The following DGKB variants were observed in gnomAD, a reference collection of about 807,000 sequenced individuals.
DGKB encodes the protein 90 kDa diacylglycerol kinase.
A neutral mutation model predicts 114.3 loss-of-function variants in DGKB; 67 were observed. The ratio of observed to expected loss-of-function variants is 0.59; its 90% CI spans 0.48 to 0.72. The LOEUF is 0.72. Among genes scored for constraint, DGKB ranks in the 30% least tolerant of loss-of-function variants. DGKB has a pLI of 0.00. For missense variants in DGKB, 907 were observed against 975.2 expected (o/e 0.93, Z 0.93); for synonymous variants, 398 against 323.1 (o/e 1.23, Z -2.49).
intron 23 of DGKB, among the ~76,000 whole-genome samples, chr7:14,277,337 AT>A (rs138811528): frequency 4.5e-4 from 68 of 150,990 alleles, no homozygotes; most frequent in Non-Finnish European, 5.0e-4. Flanking sequence ...TGCCCAGGTA[AT>A]TTTTTTTTCT....
In DGKB at chr7:14,231,002, G is replaced by A. The variant is rs942922067; in HGVS notation, c.2123-52851C>T. Reference sequence around the variant, plus strand: ...ATGCTGTGATCTTCCAGGAGGACAAGGGCTAAGTCCCTAAGTCTCTGTTGT... The same window carrying A: ...ATGCTGTGATCTTCCAGGAGGACAAAGGCTAAGTCCCTAAGTCTCTGTTGT... On this transcript the variant is annotated intron_variant, in intron 23 of 25. Coordinates refer to ENST00000402815, the MANE Select transcript of DGKB (RefSeq NM_001350709.2). Among the ~76,000 whole-genome samples, 15 of 152,158 alleles carry A rather than the reference G, an allele frequency of 9.9e-5. No homozygotes were observed. The South Asian group carries it at 1.7e-3, about 17-fold the overall frequency.
At chr7:14,489,546 T>C (rs1293083787) in intron 20 of DGKB, among the ~76,000 whole-genome samples, 1 of 152,222 alleles carries the variant, frequency 6.6e-6, no homozygotes, top group Non-Finnish European at 1.5e-5. Context: ...AGTGATTTGA[T>C]ATAATTTCCG....
chr7:14,386,561 T>C (rs192785314), intron 21 of DGKB, among the ~76,000 whole-genome samples: 1 of 152,226 alleles, frequency 6.6e-6, no homozygotes, highest in Non-Finnish European at 1.5e-5. Context: ...TGCCAGTTGC[T>C]GAAATAGTTG....
At chr7:14,676,225 C>T (rs1057471095) in intron 12 of DGKB, among the ~76,000 whole-genome samples, 9 of 149,716 alleles carry the variant, frequency 6.0e-5, no homozygotes, top group Non-Finnish European at 1.3e-4. Context: ...TGATCAGGTA[C>T]TGCTTACAGA....
intron 1 of DGKB, among the ~76,000 whole-genome samples, chr7:14,914,687 G>C (rs1403167255): frequency 6.6e-6 from 1 of 152,156 alleles, no homozygotes; most frequent in Non-Finnish European, 1.5e-5. Flanking sequence ...ATATGACACA[G>C]ATTTTTAAAA....
intron 2 of DGKB, among the ~76,000 whole-genome samples, chr7:14,772,000 C>G (rs1276823669): frequency 6.6e-6 from 1 of 150,440 alleles, no homozygotes; most frequent in African/African-American, 2.4e-5. Context: ...TCCAGATAAA[C>G]TCAACCAATT....
chr7:14,269,754 CTTTAT>C (rs1798016499), intron 23 of DGKB, among the ~76,000 whole-genome samples: 2 of 152,058 alleles, frequency 1.3e-5, no homozygotes, highest in East Asian at 1.9e-4. Context: ...TGTATATCTT[CTTTAT>C]TTTATTTGTT....
intron 17 of DGKB, among the ~76,000 whole-genome samples, chr7:14,598,872 C>T (rs931289479): frequency 2.6e-5 from 4 of 152,108 alleles, no homozygotes; most frequent in Non-Finnish European, 2.9e-5. Flanking sequence ...TATGATTTGT[C>T]AATATCTCCA....
intron 1 of DGKB, among the ~76,000 whole-genome samples, chr7:14,974,186 C>T (rs1454519655): frequency 6.6e-6 from 1 of 151,912 alleles, no homozygotes; most frequent in South Asian, 2.1e-4. Flanking sequence ...GCATAAATAA[C>T]CCAAAAATAC....
At chr7:14,715,026 G>A (rs1170737749) in intron 6 of DGKB, among the ~76,000 whole-genome samples, 1 of 152,124 alleles carries the variant, frequency 6.6e-6, no homozygotes, top group African/African-American at 2.4e-5. Context: ...GTTATCCCAT[G>A]GGACAGAGAC....
chr7:14,774,806 C>T (rs1343506621), intron 2 of DGKB, among the ~76,000 whole-genome samples: 1 of 152,066 alleles, frequency 6.6e-6, no homozygotes, highest in Non-Finnish European at 1.5e-5. Context: ...TAATTTCTTT[C>T]CTCCCTGTCT....
At chr7:14,351,686 T>C (rs1813463439) in intron 21 of DGKB, among the ~76,000 whole-genome samples, 2 of 152,300 alleles carry the variant, frequency 1.3e-5, no homozygotes, top group Admixed American at 1.3e-4. Context: ...TGGGAACTTT[T>C]ACTCAAATTT....
intron 1 of DGKB, among the ~76,000 whole-genome samples, chr7:14,951,940 A>T (rs1163876013): frequency 1.3e-5 from 2 of 152,100 alleles, no homozygotes; most frequent in Non-Finnish European, 2.9e-5. Flanking sequence ...GATATGCTAT[A>T]GGTTAGAGTG....
At chr7:14,543,971 G>A (rs73057461) in intron 20 of DGKB, among the ~76,000 whole-genome samples, 4 of 152,216 alleles carry the variant, frequency 2.6e-5, no homozygotes, top group Middle Eastern at 3.4e-3. Context: ...ATGAATAGGT[G>A]CACTAAAATT....
intron 21 of DGKB, among the ~76,000 whole-genome samples, chr7:14,395,864 G>A (rs1022981099): frequency 6.6e-6 from 1 of 151,814 alleles, no homozygotes; most frequent in African/African-American, 2.4e-5. Context: ...CTAAGAAAAA[G>A]GGTTAATGCT....
chr7:14,865,555 T>C (rs765257394), intron 1 of DGKB, among the ~76,000 whole-genome samples: 2 of 152,230 alleles, frequency 1.3e-5, no homozygotes, highest in Non-Finnish European at 2.9e-5. Flanking sequence ...CTTCCTGCTG[T>C]TGCTATTCTC....
intron 21 of DGKB, among the ~76,000 whole-genome samples, chr7:14,437,392 C>T (rs547779939): frequency 6.6e-6 from 1 of 152,200 alleles, no homozygotes; most frequent in African/African-American, 2.4e-5. Flanking sequence ...GTTTTCTACA[C>T]ACTTACCAGC....
In DGKB at chr7:14,947,711, A is replaced by C. The variant is rs189235502; in HGVS notation, c.-188+26985T>G. Among the ~76,000 whole-genome samples the C allele has an allele frequency of 3.1e-3, 468 of 151,788 alleles. 1 individual carries two copies. Among genetic ancestry groups the C allele is most frequent in the African/African-American group, 0.011 (452 of 41,494 alleles). On this transcript the variant is annotated intron_variant, in intron 1 of 4. Transcript: ENST00000437998. ...ATGTATGTTCAAATAGAAGTTGGGG[A>C]AAGAGTTGCATTAGATGAGTGGTAT... is the stretch of plus-strand genomic sequence containing the variant.
intron 21 of DGKB, among the ~76,000 whole-genome samples, chr7:14,428,578 T>C (rs1253516898): frequency 2.6e-5 from 4 of 152,202 alleles, no homozygotes; most frequent in Non-Finnish European, 5.9e-5. Flanking sequence ...CCCACATTAT[T>C]GTATAGAGCC....
Sources: allele counts gnomAD v4.1 joint callset (sites outside exome capture counted in the v4.1 genomes callset), GRCh38; gene constraint gnomAD v4.1.1; transcripts MANE v1.5; gene names NCBI Gene and HGNC (gene_info 2026-07-23, HGNC 2026-07-21).